Variants in BRD4 observed in about 807,000 individuals in gnomAD.
BRD4 encodes the protein bromodomain-containing protein 4.
A neutral mutation model predicts 142.1 loss-of-function variants in BRD4; 16 were observed. The ratio of observed to expected loss-of-function variants is 0.11; its 90% CI spans 0.08 to 0.17. BRD4 has a LOEUF of 0.17. Among genes scored for constraint, BRD4 ranks in the 10% least tolerant of loss-of-function variants. The pLI is 1.00. For missense variants in BRD4, 1,424 were observed against 1,810.9 expected, an observed-to-expected ratio of 0.79 and a Z score of 3.88; for synonymous variants, 833 against 707.5, an observed-to-expected ratio of 1.18 and a Z score of -2.82.
chr19:15,298,548 G>C (rs546028110), intron 1 of BRD4, among the ~76,000 whole-genome samples: 40 of 139,330 alleles, frequency 2.9e-4, no homozygotes, highest in Admixed American at 1.9e-3. Flanking sequence ...TTGAACCCGG[G>C]GGGCAGCGGT....
intron 7 of BRD4, among the ~76,000 whole-genome samples, chr19:15,263,072 T>C (rs1568387264): frequency 6.6e-6 from 1 of 152,172 alleles, no homozygotes; most frequent in Non-Finnish European, 1.5e-5. Flanking sequence ...AGCTCACGAC[T>C]GTGACAGCGA....
chr19:15,240,756 C>T (rs1039238886), intron 14 of BRD4, among the ~76,000 whole-genome samples: 14 of 152,346 alleles, frequency 9.2e-5, no homozygotes, highest in African/African-American at 3.4e-4. Flanking sequence ...GCAGCTGGAG[C>T]AGCTGAGTCC....
intron 1 of BRD4, among the ~76,000 whole-genome samples, chr19:15,323,239 A>T (rs1382206571): frequency 6.7e-6 from 1 of 149,828 alleles, no homozygotes; most frequent in Non-Finnish European, 1.5e-5. Flanking sequence ...ATTCTGATCA[A>T]ATTTCTCTGG....
intron 2 of BRD4, among the ~76,000 whole-genome samples, chr19:15,271,874 G>A (rs2047591038): frequency 6.7e-6 from 1 of 148,898 alleles, no homozygotes; most frequent in Non-Finnish European, 1.5e-5. Context: ...TTAAACTTGG[G>A]AGTAAGGATG....
rs1353576463 is a variant in BRD4, at chr19:15,257,984, C to G, written c.1342-811G>C. ...CACTGGGGTCTGGCCACACATACTGCCAGCCAGCTGTCAAGTCCCTGCCCT... is the reference window on the plus strand; with the variant it reads ...CACTGGGGTCTGGCCACACATACTGGCAGCCAGCTGTCAAGTCCCTGCCCT... On this transcript the variant is annotated intron_variant, in intron 7 of 19. Coordinates refer to ENST00000679869, the MANE Select transcript of BRD4 (RefSeq NM_001379291.1). 2.0e-5 allele frequency among the ~76,000 whole-genome samples: 3 copies of G among 152,184 alleles called. No homozygotes were observed. The East Asian group carries it at 5.8e-4, about 29-fold the overall frequency.
intron 1 of BRD4, among the ~76,000 whole-genome samples, chr19:15,316,205 G>GA (rs1294360984): frequency 1.4e-5 from 2 of 143,586 alleles, no homozygotes. Flanking sequence ...CCATAATCCT[G>GA]AAAGAGTATC....
intron 1 of BRD4, among the ~76,000 whole-genome samples, chr19:15,311,111 C>G (rs575598644): frequency 6.6e-6 from 1 of 151,386 alleles, no homozygotes; most frequent in Non-Finnish European, 1.5e-5. Flanking sequence ...GCCAACATGG[C>G]GAAACCCTGT....
chr19:15,315,512 G>C (rs552183231), intron 1 of BRD4, among the ~76,000 whole-genome samples: 5 of 151,790 alleles, frequency 3.3e-5, no homozygotes, highest in East Asian at 1.9e-4. Flanking sequence ...AAGGGGATTG[G>C]GGGGGGGAAG....
chr19:15,258,561 A>T (rs1319303980), intron 7 of BRD4, among the ~76,000 whole-genome samples: 1 of 152,126 alleles, frequency 6.6e-6, no homozygotes, highest in African/African-American at 2.4e-5. Flanking sequence ...TGGGATGACC[A>T]GCGTGAGCCA....
chr19:15,256,202 T>C lies in BRD4; in HGVS notation c.1613A>G (p.Lys538Arg). The C allele has an allele frequency of 1.2e-6, 2 of 1,613,496 alleles. No homozygotes were observed. Among genetic ancestry groups the C allele is most frequent in the Non-Finnish European group, 1.7e-6 (2 of 1,180,048 alleles). ...LSQPQQNKPK[K>R]KEKDKKEKKK... ...CTTTTCCTTCTTGTCTTTCTCCTTT[T>C]TCTTTGGTTTGTTCTGCTGGGGCTG... Residue 538 changes from lysine (K) to arginine (R), a missense_variant, in exon 9 of 20, where the codon AAA becomes AGA. Transcript: ENST00000679869.
chr19:15,263,001 C>T (rs559133265), intron 7 of BRD4, among the ~76,000 whole-genome samples: 2 of 152,306 alleles, frequency 1.3e-5, no homozygotes, highest in South Asian at 4.1e-4. Flanking sequence ...GAAACAACCA[C>T]TCTGCAGCTA....
At chr19:15,254,007 TAAC>T (rs2047378651) in intron 11 of BRD4, 142 bp downstream of exon 11, 5 of 748,024 alleles carry the variant, frequency 6.7e-6, no homozygotes, top group Non-Finnish European at 1.1e-5. Context: ...GGGAGACAGT[TAAC>T]AAAGAGACAG....
chr19:15,328,192 ATAG>A (rs1206440335), intron 1 of BRD4, among the ~76,000 whole-genome samples: 14 of 152,274 alleles, frequency 9.2e-5, no homozygotes, highest in African/African-American at 3.4e-4. Flanking sequence ...TTCCTTGTAC[ATAG>A]TAAGGGCTCA....
chr19:15,316,969 C>T (rs1418296130), intron 1 of BRD4, among the ~76,000 whole-genome samples: 1 of 152,238 alleles, frequency 6.6e-6, no homozygotes, highest in Admixed American at 6.5e-5. Flanking sequence ...GGCTGCCTTG[C>T]CTGGACATCT....
At chr19:15,301,893 G>A (rs1255454187) in intron 1 of BRD4, among the ~76,000 whole-genome samples, 2 of 146,682 alleles carry the variant, frequency 1.4e-5, no homozygotes, top group Admixed American at 1.4e-4. Flanking sequence ...AAAAAAAGTT[G>A]CTGAGTCTCA....
Position 15,239,310 on chromosome 19 carries a change from A to C in BRD4, c.3577-46T>G, listed in dbSNP as rs367705172. 1.2e-5 allele frequency: 20 copies of C among 1,613,752 alleles called. No homozygotes were observed. Among genetic ancestry groups the C allele is most frequent in the Non-Finnish European group, 1.7e-5 (20 of 1,179,960 alleles). On this transcript the variant is annotated intron_variant, in intron 17 of 19. Transcript: ENST00000679869. This position sits in a 1 kb window ranked among gnomAD's most constrained non-coding sequence, Gnocchi z 7.4. ...GGTGGGTGAGGGGTCTGCTGTGCCT[A>C]AAGGGCATAGCTGGGGGTGTGCCCA... is the stretch of plus-strand genomic sequence containing the variant.
At chr19:15,249,286 A>G (rs377440362) in intron 11 of BRD4, 5 of 1,613,912 alleles carry the variant, frequency 3.1e-6, no homozygotes, top group Non-Finnish European at 4.2e-6. Flanking sequence ...ATGATTAGGC[A>G]GGACCTACGT....
chr19:15,289,755 A>C (rs2047767730), intron 1 of BRD4, among the ~76,000 whole-genome samples: 1 of 151,948 alleles, frequency 6.6e-6, no homozygotes, highest in Non-Finnish European at 1.5e-5. Context: ...GGAAGCTAGG[A>C]AAGATGTGGC....
intron 11 of BRD4, among the ~76,000 whole-genome samples, chr19:15,245,841 T>C (rs562723637): frequency 3.3e-5 from 5 of 152,204 alleles, no homozygotes; most frequent in East Asian, 1.9e-4. Context: ...CTGAGCTCCT[T>C]GTCAGGGTGC....
Sources: gnomAD v4.1 joint callset for allele counts (sites outside exome capture counted in the v4.1 genomes callset) on GRCh38, gnomAD v4.1.1 for gene constraint, Gnocchi (gnomAD v3.1) non-coding constraint, MANE v1.5 for transcripts, NCBI Gene and HGNC (gene_info 2026-07-23, HGNC 2026-07-21) for gene names.